Variants in SF1 observed in about 807,000 individuals in gnomAD.
SF1 encodes splicing factor 1, also known as branch point-binding protein.
SF1 carries 7 observed loss-of-function variants against 62.5 expected under a neutral mutation model. The ratio of observed to expected loss-of-function variants is 0.11; its 90% CI spans 0.06 to 0.21. The LOEUF (loss-of-function observed/expected upper bound fraction) is 0.21, where lower values mean the gene tolerates loss of function less well. Among genes scored for constraint, SF1 ranks in the 10% least tolerant of loss-of-function variants. The pLI, the probability that SF1 is intolerant of heterozygous loss-of-function variation, is 1.00. For synonymous variants in SF1, 394 were observed against 323.6 expected, an observed-to-expected ratio of 1.22 and a Z score of -2.33; for missense variants, 578 against 884.0, an observed-to-expected ratio of 0.65 and a Z score of 4.39.
intron 10 of SF1, 43 bp from the exon 11 acceptor site, chr11:64,767,294 C>A (rs1187445652): frequency 6.3e-7 from 1 of 1,595,260 alleles, no homozygotes. Flanking sequence ...GACATTGGAA[C>A]TGGCCAGGGA....
intron 2 of SF1, among the ~76,000 whole-genome samples, chr11:64,774,345 G>A (rs1938801157): frequency 6.6e-6 from 1 of 152,334 alleles, no homozygotes; most frequent in South Asian, 2.1e-4. Flanking sequence ...AAAGAGAGAT[G>A]AGGGTTTCAC....
In SF1 at chr11:64,778,347, G is replaced by T; in HGVS notation, c.31+15C>A. The T allele has an allele frequency of 8.1e-7, 1 of 1,227,014 alleles. No individual in the cohort carries two copies. The highest frequency in any genetic ancestry group is 3.2e-5 in the East Asian group (1 of 31,246). 76.0% of individuals were successfully genotyped at this position (1,227,014 alleles called of 1,614,324 possible). On this transcript the variant is annotated intron_variant, in intron 1 of 12. Transcript: ENST00000377390. ...GGCCCGGGGAGCGGGGGCAGCCCGG[G>T]GGGGCCCAGCTTACCCAACGGCGTG...
chr11:64,766,862 T>TCCCCCC, intron 12 of SF1, 38 bp downstream of exon 12: 1 of 248,362 alleles, frequency 4.0e-6, no homozygotes, highest in Non-Finnish European at 7.7e-6. Context: ...CCCACCCCCA[T>TCCCCCC]CCCACCCACC....
rs755487274 is a variant in SF1, at chr11:64,766,997, A to G, written c.1485T>C (p.Gly495=). Reference sequence around the variant, plus strand: ...GCTGTTGTTGCCATGGGGGAAGAGGACCAGAGGGAGGGGGTGGGGGCTGCC... The same window carrying G: ...GCTGTTGTTGCCATGGGGGAAGAGGGCCAGAGGGAGGGGGTGGGGGCTGCC... ...PSGQPPPPPS[G]PLPPWQQQQQ... Residue 495 remains glycine (G), a synonymous_variant, in exon 12 of 13, where the codon GGT becomes GGC. Transcript: ENST00000377390. 1 of 1,495,980 alleles carries G rather than the reference A, an allele frequency of 6.7e-7. No individual in the cohort carries two copies. Among genetic ancestry groups the G allele is most frequent in the Non-Finnish European group, 9.0e-7 (1 of 1,110,100 alleles). The allele number at this position is 1,495,980 out of a possible 1,614,324, so 92.7% of individuals were successfully genotyped here.
At chr11:64,767,381 C>A in intron 10 of SF1, 130 bp from the exon 11 acceptor site, 1 of 1,075,126 alleles carries the variant, frequency 9.3e-7, no homozygotes, top group South Asian at 1.3e-5. Context: ...CAGGTCTGTG[C>A]TTACCCAACA....
intron 1 of SF1, 77 bp from the exon 2 acceptor site, chr11:64,776,703 T>C: frequency 7.0e-7 from 1 of 1,419,916 alleles, no homozygotes; most frequent in Non-Finnish European, 9.7e-7. Flanking sequence ...TTTAAGGTAC[T>C]ACACAGAAAC....
chr11:64,766,866 A>ACCCCCCCC, intron 12 of SF1, 34 bp downstream of exon 12: 1 of 181,342 alleles, frequency 5.5e-6, no homozygotes, highest in Non-Finnish European at 1.0e-5. Context: ...CCCCCATCCC[A>ACCCCCCCC]CCCACCCCCA....
chr11:64,774,827 G>A (rs1938899211), intron 2 of SF1, among the ~76,000 whole-genome samples: 1 of 152,004 alleles, frequency 6.6e-6, no homozygotes, highest in Non-Finnish European at 1.5e-5. Context: ...TGGGCATGGT[G>A]GCGTGCGCCT....
At position 64,764,876 on chromosome 11, in the gene SF1, A is replaced by C. The variant is rs2058536269; in HGVS notation, c.*942T>G. On this transcript the variant is annotated 3_prime_UTR_variant, in exon 13 of 13. Coordinates refer to ENST00000377390, the MANE Select transcript of SF1 (RefSeq NM_004630.4). Reference sequence around the variant, plus strand: ...AAACATAAAAGGAAGCCTTCCAGGAAGGAGAGGACCAAATGGAATCTGAGG... The same window carrying C: ...AAACATAAAAGGAAGCCTTCCAGGACGGAGAGGACCAAATGGAATCTGAGG... 6.6e-6 allele frequency: 1 copy of C among 152,368 alleles called. No homozygotes were observed. Among genetic ancestry groups the C allele is most frequent in the African/African-American group, 2.4e-5 (1 of 41,466 alleles). The allele number at this position is 152,368 out of a possible 1,614,324, so 9.4% of individuals were successfully genotyped here. A position where few individuals can be genotyped will look rare whatever the true frequency, so the allele number is the denominator to read the frequency against.
chr11:64,767,538 GCC>G, intron 10 of SF1, 31 bp downstream of exon 10: 1 of 1,521,862 alleles, frequency 6.6e-7, no homozygotes, highest in Non-Finnish European at 8.8e-7. Context: ...TTATCCCAAA[GCC>G]CCCAAGGTTT....
rs1188631838 is a variant in SF1, at chr11:64,765,641, C to T, written c.*177G>A. On this transcript the variant is annotated 3_prime_UTR_variant, in exon 13 of 13. Coordinates refer to ENST00000377390, the MANE Select transcript of SF1 (RefSeq NM_004630.4). ...GCTGGCGCCCCTACTACCACCTGCC[C>T]GTTCCCAAGCGAATCCTCAGTCGCT... The T allele has an allele frequency of 9.4e-6, 14 of 1,490,358 alleles. No individual in the cohort carries two copies. The highest frequency in any genetic ancestry group is 2.5e-5 in the Admixed American group (1 of 40,294). 92.3% of individuals were successfully genotyped at this position (1,490,358 alleles called of 1,614,324 possible).
intron 1 of SF1, chr11:64,777,563 T>G: frequency 1.0e-6 from 1 of 985,480 alleles, no homozygotes; most frequent in Non-Finnish European, 1.2e-6. Flanking sequence ...ACGGTTCCCA[T>G]TCTGGTTCCT....
chr11:64,777,018 G>A (rs1939382894), intron 1 of SF1, among the ~76,000 whole-genome samples: 1 of 152,160 alleles, frequency 6.6e-6, no homozygotes, highest in Admixed American at 6.5e-5. Context: ...CAGTCCTGAT[G>A]GGACTGGGGG....
At chr11:64,766,234 G>T in intron 12 of SF1, 79 bp from the exon 13 acceptor site, 1 of 1,025,288 alleles carries the variant, frequency 9.8e-7, no homozygotes, top group East Asian at 2.6e-5. Context: ...TGGGATGGGG[G>T]CGAGGGGCGC....
rs1215020197 is a variant in SF1 at position 64,778,375 on chromosome 11, G to C, written c.18C>G (p.Asn6Lys). The change falls in exon 1 of 13, where the codon AAC (asparagine) becomes AAG (lysine). Residue 6 changes from asparagine (N) to lysine (K), a missense_variant. Physicochemically the swap from Asn to Lys is moderately conservative, Grantham distance 94. Transcript: ENST00000377390. The part of the protein sequence containing the change: MATGA[N>K]ATPLDFPSKK... ...GGCCCAGCTTACCCAACGGCGTGGC[G>C]TTCGCTCCGGTCGCCATGGCGCCCC... The C allele has an allele frequency of 2.0e-5, 25 of 1,227,822 alleles. No individual in the cohort carries two copies. The highest frequency in any genetic ancestry group is 2.5e-5 in the Non-Finnish European group (25 of 984,436). 76.1% of individuals were successfully genotyped at this position (1,227,822 alleles called of 1,614,324 possible).
intron 2 of SF1, among the ~76,000 whole-genome samples, chr11:64,775,063 T>C (rs57458455): frequency 0.02 from 3,068 of 152,194 alleles, 98 homozygotes; most frequent in African/African-American, 0.069. Flanking sequence ...AGCTCCTTTA[T>C]GCCTAAAAAG....
At chr11:64,767,983 C>G in intron 9 of SF1, 123 bp downstream of exon 9, 4 of 1,443,010 alleles carry the variant, frequency 2.8e-6, no homozygotes, top group Non-Finnish European at 2.8e-6. Context: ...CCTGAGATCC[C>G]GGAAGAACAA....
Position 64,765,617 on chromosome 11 carries a change from C to G in SF1, c.*201G>C, listed in dbSNP as rs189469352. The G allele has an allele frequency of 3.0e-4, 449 of 1,500,212 alleles. No individual in the cohort carries two copies. The highest frequency in any genetic ancestry group is 2.4e-4 in the Non-Finnish European group (275 of 1,133,860). 92.9% of individuals were successfully genotyped at this position (1,500,212 alleles called of 1,614,324 possible). On this transcript the variant is annotated 3_prime_UTR_variant, in exon 13 of 13. Transcript: ENST00000377390. ...CTACGGGGCGCCAGGAGAGCCCAAG[C>G]TGGCGCCCCTACTACCACCTGCCCG...
At chr11:64,776,039 T>TC (rs1939177616) in intron 2 of SF1, 2 of 15,774 alleles carry the variant, frequency 1.3e-4, no homozygotes, top group Non-Finnish European at 4.4e-4. Context: ...TGTCATTTTT[T>TC]TTTTTTCAGA....
Sources: allele counts gnomAD v4.1 joint callset (sites outside exome capture counted in the v4.1 genomes callset), GRCh38; gene constraint gnomAD v4.1.1; transcripts MANE v1.5; gene names NCBI Gene and HGNC (gene_info 2026-07-23, HGNC 2026-07-21).